Variants in TRIM67 observed in about 807,000 individuals in gnomAD.
TRIM67 encodes the protein tripartite motif-containing protein 67.
A neutral mutation model predicts 71.0 loss-of-function variants in TRIM67; 39 were observed. The ratio of observed to expected loss-of-function variants is 0.55; its 90% CI spans 0.43 to 0.72. The LOEUF is 0.72. Ranked by LOEUF, TRIM67 falls within the 30% of genes least tolerant of loss-of-function variation. TRIM67 has a pLI of 0.00. For synonymous variants in TRIM67, 481 were observed against 473.9 expected, an observed-to-expected ratio of 1.01 and a Z score of -0.19; for missense variants, 973 against 1,079.2, an observed-to-expected ratio of 0.90 and a Z score of 1.38.
Position 231,162,197 on chromosome 1 carries a change from G to T in TRIM67, c.-773G>T, listed in dbSNP as rs1682303549. The T allele has an allele frequency of 6.6e-6, 1 of 152,228 alleles. No individual in the cohort carries two copies. The highest frequency in any genetic ancestry group is 2.1e-4 in the South Asian group (1 of 4,838). The allele number at this position is 152,228 out of a possible 1,614,324, so 9.4% of individuals were successfully genotyped here. A position where few individuals can be genotyped will look rare whatever the true frequency, so the allele number is the denominator to read the frequency against. On this transcript the variant is annotated 5_prime_UTR_variant, in exon 1 of 10. Coordinates refer to ENST00000366653, the MANE Select transcript of TRIM67 (RefSeq NM_001004342.5). ...CGGCCCAAGGTCAGAGGCGCCGCAG[G>T]AGCAGCAGCTGGGAACCAGGGAAGC... is the stretch of plus-strand genomic sequence containing the variant.
At chr1:231,164,479 G>A (rs1483399303) in intron 1 of TRIM67, among the ~76,000 whole-genome samples, 5 of 152,150 alleles carry the variant, frequency 3.3e-5, no homozygotes, top group African/African-American at 1.2e-4. Flanking sequence ...ATCTGGTTAG[G>A]TCCTTGATCA....
chr1:231,170,017 A>C (rs1682584438), intron 1 of TRIM67, among the ~76,000 whole-genome samples: 1 of 101,906 alleles, frequency 9.8e-6, no homozygotes, highest in African/African-American at 7.3e-5. Flanking sequence ...TTGGAGTTTC[A>C]CTCTTGTTGC....
At position 231,163,631 on chromosome 1, in the gene TRIM67, C is replaced by CGCTCTGCGAGCAGTGCGACGTCCTCTACT; in HGVS notation, c.670_698dup (p.Cys234SerfsTer93). The CGCTCTGCGAGCAGTGCGACGTCCTCTACT allele has an allele frequency of 6.6e-7, 1 of 1,522,462 alleles. No individual in the cohort carries two copies. Among genetic ancestry groups the CGCTCTGCGAGCAGTGCGACGTCCTCTACT allele is most frequent in the Non-Finnish European group, 8.8e-7 (1 of 1,137,848 alleles). The allele number at this position is 1,522,462 out of a possible 1,614,324, so 94.3% of individuals were successfully genotyped here. A position where few individuals can be genotyped will look rare whatever the true frequency, so the allele number is the denominator to read the frequency against. ...CGCACCCCGCCAGAGCCAGCAGCCA[C>CGCTCTGCGAGCAGTGCGACGTCCTCTACT]GCTCTGCGAGCAGTGCGACGTCCTC... is the stretch of plus-strand genomic sequence containing the variant. On this transcript the variant is annotated frameshift_variant, in exon 1 of 10. Coordinates refer to ENST00000366653, the MANE Select transcript of TRIM67 (RefSeq NM_001004342.5). LOFTEE classifies it high-confidence loss of function.
In TRIM67 at chr1:231,192,024, G is replaced by A. The variant is rs1211120304; in HGVS notation, c.1045-5347G>A. On this transcript the variant is annotated intron_variant, in intron 1 of 9. Transcript: ENST00000366653. ...CCTGGGCCACCCATCTTTAGAGAGTGAGAGCCAGGCAAGGTGGCTCAGGCC... is the reference window on the plus strand; with the variant it reads ...CCTGGGCCACCCATCTTTAGAGAGTAAGAGCCAGGCAAGGTGGCTCAGGCC... Among the ~76,000 whole-genome samples, 3 of 152,282 alleles carry A rather than the reference G, an allele frequency of 2.0e-5. 1 individual carries two copies. Among genetic ancestry groups the A allele is most frequent in the African/African-American group, 4.8e-5 (2 of 41,560 alleles).
At chr1:231,201,558 A>C in intron 5 of TRIM67, 41 bp downstream of exon 5, 1 of 1,599,396 alleles carries the variant, frequency 6.3e-7, no homozygotes. Flanking sequence ...TGCTTCTTTC[A>C]AAAGAGGCAT....
chr1:231,193,606 T>C (rs891130188), intron 1 of TRIM67, among the ~76,000 whole-genome samples: 2 of 151,078 alleles, frequency 1.3e-5, no homozygotes, highest in African/African-American at 4.9e-5. Context: ...TGCATTGCTA[T>C]AAAGGAATAT....
intron 1 of TRIM67, among the ~76,000 whole-genome samples, chr1:231,169,993 C>CTTTTTTTTTTTTTTTTTT (rs369558747): frequency 0.022 from 2,915 of 134,252 alleles, 274 homozygotes; most frequent in African/African-American, 0.089. Flanking sequence ...TTCTTTCTCT[C>CTTTTTTTTTTTTTTTTTT]TTTTTTTTTT....
At position 231,203,916 on chromosome 1, in the gene TRIM67, C is replaced by T. The variant is rs768806641; in HGVS notation, c.1584C>T (p.Asn528=). The T allele has an allele frequency of 2.5e-6, 4 of 1,613,974 alleles. No homozygotes were observed. The highest frequency in any genetic ancestry group is 3.4e-6 in the Non-Finnish European group (4 of 1,179,870). Reference sequence around the variant, plus strand: ...TGGAGAAATGCTGCACCCGTAACAACAGCGTCACGCTGGCCTGGAGGATGC... The same window carrying T: ...TGGAGAAATGCTGCACCCGTAACAATAGCGTCACGCTGGCCTGGAGGATGC... ...LQLEKCCTRN[N]SVTLAWRMPP... The change falls in exon 6 of 10, where the codon AAC becomes AAT. Residue 528 remains asparagine (N), a synonymous_variant. Coordinates refer to ENST00000366653, the MANE Select transcript of TRIM67 (RefSeq NM_001004342.5).
chr1:231,185,067 G>A, intron 1 of TRIM67: 1 of 1,532,864 alleles, frequency 6.5e-7, no homozygotes, highest in Non-Finnish European at 8.7e-7. Flanking sequence ...GCTGGTGCCT[G>A]GACTTCCAGA....
Position 231,218,716 on chromosome 1 carries a change from G to A in TRIM67, c.*3276G>A. ...TATTTCCAGGCTGCATCTTCAGCCT[G>A]ATATGTACTTTGTAGTTGCAACAGC... On this transcript the variant is annotated 3_prime_UTR_variant, in exon 10 of 10. Coordinates refer to ENST00000366653, the MANE Select transcript of TRIM67 (RefSeq NM_001004342.5). 2 of 985,442 alleles carry A rather than the reference G, an allele frequency of 2.0e-6. No homozygotes were observed. Among genetic ancestry groups the A allele is most frequent in the Non-Finnish European group, 2.4e-6 (2 of 829,964 alleles). The allele number at this position is 985,442 out of a possible 1,614,324, so 61.0% of individuals were successfully genotyped here.
chr1:231,166,134 T>C (rs1682456855), intron 1 of TRIM67, among the ~76,000 whole-genome samples: 1 of 152,216 alleles, frequency 6.6e-6, no homozygotes, highest in Non-Finnish European at 1.5e-5. Context: ...CATGTGATAT[T>C]TGCCCCCTCG....
chr1:231,163,148 G>A lies in TRIM67; in HGVS notation c.179G>A (p.Gly60Asp), dbSNP rs1240164411. 6.6e-7 allele frequency: 1 copy of A among 1,514,064 alleles called. No individual in the cohort carries two copies. Among genetic ancestry groups the A allele is most frequent in the Non-Finnish European group, 8.8e-7 (1 of 1,130,210 alleles). The allele number at this position is 1,514,064 out of a possible 1,614,324, so 93.8% of individuals were successfully genotyped here. ...TCCCGGGGATCGGGGCTGCAGGCGG[G>A]CGCCGCCGCCGCTGCCTCTCTGGAG... ...LLSRGSGLQA[G>D]AAAAASLEHD... The change falls in exon 1 of 10, where the codon GGC becomes GAC. Residue 60 changes from glycine to aspartate, a missense_variant. By Grantham distance (94) the Gly-to-Asp change is moderately conservative. This residue lies in a region of TRIM67 where 795 missense variants were observed against 831.3 expected (regional missense o/e 0.96). Coordinates refer to ENST00000366653, the MANE Select transcript of TRIM67 (RefSeq NM_001004342.5).
rs1683799408 is a variant in TRIM67 at position 231,209,261 on chromosome 1, G to C, written c.2123+11G>C. The C allele has an allele frequency of 6.6e-7, 1 of 1,525,020 alleles. No homozygotes were observed. The highest frequency in any genetic ancestry group is 2.0e-5 in the Admixed American group (1 of 51,100). The allele number at this position is 1,525,020 out of a possible 1,614,324, so 94.5% of individuals were successfully genotyped here. A position where few individuals can be genotyped will look rare whatever the true frequency, so the allele number is the denominator to read the frequency against. On this transcript the variant is annotated intron_variant, in intron 8 of 9. Transcript: ENST00000366653. This position sits in a 1 kb window ranked among gnomAD's most constrained non-coding sequence, Gnocchi z 4.1. ...CTCCCACACCAACAGGTGCGATTGG[G>C]CCCCATCCTGCCTCCCGTGGACACA...
Position 231,217,991 on chromosome 1 carries a change from G to A in TRIM67, c.*2551G>A. The A allele has an allele frequency of 8.2e-7, 1 of 1,219,588 alleles. No individual in the cohort carries two copies. Among genetic ancestry groups the A allele is most frequent in the Non-Finnish European group, 1.0e-6 (1 of 956,282 alleles). 75.5% of individuals were successfully genotyped at this position (1,219,588 alleles called of 1,614,324 possible). A position where few individuals can be genotyped will look rare whatever the true frequency, so the allele number is the denominator to read the frequency against. ...CTTTTCTGACTCCTCCAGGAGCCCA[G>A]AAGCAATACGGCCGATGCCAGGGAC... On this transcript the variant is annotated 3_prime_UTR_variant, in exon 10 of 10. Coordinates refer to ENST00000366653, the MANE Select transcript of TRIM67 (RefSeq NM_001004342.5).
intron 9 of TRIM67, among the ~76,000 whole-genome samples, chr1:231,214,854 C>A (rs994900815): frequency 1.3e-5 from 2 of 150,558 alleles, no homozygotes; most frequent in African/African-American, 2.4e-5. Flanking sequence ...AACTCCAGTA[C>A]TTTGGGAGGC....
At chr1:231,174,152 C>CTTTTTTTTTTTTTTTT (rs35651112) in intron 1 of TRIM67, among the ~76,000 whole-genome samples, 9 of 127,352 alleles carry the variant, frequency 7.1e-5, no homozygotes, top group African/African-American at 8.7e-5. Context: ...GTCTTATTTT[C>CTTTTTTTTTTTTTTTT]TTTTTTTTTT....
In TRIM67 at chr1:231,221,479, T is replaced by C. The variant is rs1448606595; in HGVS notation, c.*6039T>C. 1.3e-5 allele frequency: 2 copies of C among 152,686 alleles called. No homozygotes were observed. The highest frequency in any genetic ancestry group is 2.1e-4 in the South Asian group (1 of 4,834). 9.5% of individuals were successfully genotyped at this position (152,686 alleles called of 1,614,324 possible). A position where few individuals can be genotyped will look rare whatever the true frequency, so the allele number is the denominator to read the frequency against. The stretch of plus-strand genomic sequence containing the variant: ...TGGTCTTTGGGGGTTAGTTGAACTT[T>C]CTGTATTACCTTTTGGAAAACCTGA... On this transcript the variant is annotated 3_prime_UTR_variant, in exon 10 of 10. Coordinates refer to ENST00000366653, the MANE Select transcript of TRIM67 (RefSeq NM_001004342.5).
intron 7 of TRIM67, 107 bp downstream of exon 7, chr1:231,206,897 G>A: frequency 7.9e-7 from 1 of 1,268,026 alleles, no homozygotes. Context: ...GGTGGGGGGT[G>A]GTGCTGGGCA....
At chr1:231,211,145 TTGAGCCCAGG>T (rs2102762989) in intron 8 of TRIM67, among the ~76,000 whole-genome samples, 1 of 151,736 alleles carries the variant, frequency 6.6e-6, no homozygotes, top group African/African-American at 2.4e-5. Context: ...ACTGTCAGGG[TTGAGCCCAGG>T]ACCCCAGCCT....
Sources: gnomAD v4.1 joint callset for allele counts (sites outside exome capture counted in the v4.1 genomes callset) on GRCh38, gnomAD v4.1.1 for gene constraint, gnomAD v4.1.1 regional missense constraint, Gnocchi (gnomAD v3.1) non-coding constraint, MANE v1.5 for transcripts, NCBI Gene and HGNC (gene_info 2026-07-23, HGNC 2026-07-21) for gene names.